The following TBC1D5 variants were observed in gnomAD, a reference collection of about 807,000 sequenced individuals.
TBC1D5 encodes TBC1 domain family, member 5.
In TBC1D5, 75 loss-of-function variants were observed where a neutral mutation model predicts 100.3. The ratio of observed to expected loss-of-function variants is 0.75; its 90% CI spans 0.62 to 0.91. TBC1D5 has a LOEUF of 0.91. TBC1D5 is among the 40% of genes least tolerant of loss of function. TBC1D5 has a pLI of 0.00. For missense variants in TBC1D5, 910 were observed against 942.4 expected, an observed-to-expected ratio of 0.97 and a Z score of 0.45; for synonymous variants, 323 against 325.6, an observed-to-expected ratio of 0.99 and a Z score of 0.09.
intron 2 of TBC1D5, among the ~76,000 whole-genome samples, chr3:17,510,451 C>T (rs1184826751): frequency 6.6e-6 from 1 of 151,976 alleles, no homozygotes; most frequent in Non-Finnish European, 1.5e-5. Context: ...AGCTAACATG[C>T]AGTAAGAATA....
Position 17,510,709 on chromosome 3 carries a change from G to A in TBC1D5, c.-35-2104C>T, listed in dbSNP as rs562583034. ...TATGGAGCAGTCACCAAATTCAAATGTCTAATGAGATCAGGCAAAAAGTAT... is the reference window on the plus strand; with the variant it reads ...TATGGAGCAGTCACCAAATTCAAATATCTAATGAGATCAGGCAAAAAGTAT... On this transcript the variant is annotated intron_variant, in intron 2 of 21. Transcript: ENST00000253692. 2.6e-5 allele frequency among the ~76,000 whole-genome samples: 4 copies of A among 152,104 alleles called. No individual in the cohort carries two copies. In the East Asian group the frequency reaches 5.8e-4, roughly 22 times the overall value.
At chr3:17,255,084 A>C (rs1476981336) in intron 16 of TBC1D5, among the ~76,000 whole-genome samples, 1 of 152,206 alleles carries the variant, frequency 6.6e-6, no homozygotes, top group Non-Finnish European at 1.5e-5. Flanking sequence ...CTGAGTTGAA[A>C]TCCTCAAAGG....
At chr3:17,395,451 T>C (rs987332278) in intron 8 of TBC1D5, among the ~76,000 whole-genome samples, 1 of 152,132 alleles carries the variant, frequency 6.6e-6, no homozygotes, top group African/African-American at 2.4e-5. Context: ...GCATTACCCC[T>C]GAAGTACCAA....
At chr3:17,525,595 A>C (rs187017495) in intron 2 of TBC1D5, among the ~76,000 whole-genome samples, 1 of 152,212 alleles carries the variant, frequency 6.6e-6, no homozygotes, top group East Asian at 1.9e-4. Context: ...TTCAGAAAAA[A>C]TCCATATTGG....
chr3:17,734,876 C>T (rs1199895140), intron 1 of TBC1D5, among the ~76,000 whole-genome samples: 3 of 151,530 alleles, frequency 2.0e-5, no homozygotes, highest in East Asian at 3.9e-4. Flanking sequence ...GCTTGAGCCC[C>T]GACGTTTGAG....
At chr3:17,254,984 A>G (rs1318083164) in intron 16 of TBC1D5, among the ~76,000 whole-genome samples, 2 of 152,220 alleles carry the variant, frequency 1.3e-5, no homozygotes, top group South Asian at 4.1e-4. Flanking sequence ...TTTAAGCTAC[A>G]TGTGGGACAT....
At chr3:17,617,006 T>C (rs2062224411) in intron 2 of TBC1D5, among the ~76,000 whole-genome samples, 1 of 152,248 alleles carries the variant, frequency 6.6e-6, no homozygotes, top group Non-Finnish European at 1.5e-5. Flanking sequence ...CAATTTGGCA[T>C]GTTTTTGCAG....
chr3:17,722,165 T>C (rs4331697), intron 1 of TBC1D5, among the ~76,000 whole-genome samples: 1,743 of 152,104 alleles, frequency 0.011, 27 homozygotes, highest in African/African-American at 0.039. Flanking sequence ...AACTCTTCTA[T>C]ATTAAAAGTA....
intron 9 of TBC1D5, among the ~76,000 whole-genome samples, chr3:17,378,645 GAT>G (rs1219704843): frequency 6.6e-6 from 1 of 151,500 alleles, no homozygotes; most frequent in Admixed American, 6.6e-5. Context: ...TGATTTCTAT[GAT>G]ATATCATACT....
At chr3:17,163,097 G>A (rs537314839) in intron 21 of TBC1D5, among the ~76,000 whole-genome samples, 3 of 152,186 alleles carry the variant, frequency 2.0e-5, no homozygotes, top group Non-Finnish European at 4.4e-5. Flanking sequence ...TTCTGAAGTG[G>A]AGAAATACTT....
At chr3:17,178,378 T>G (rs1391481531) in intron 19 of TBC1D5, among the ~76,000 whole-genome samples, 3 of 152,162 alleles carry the variant, frequency 2.0e-5, no homozygotes, top group Non-Finnish European at 2.9e-5. Flanking sequence ...TGCTCCATTC[T>G]TTATATATAC....
chr3:17,713,408 A>C (rs570636361), intron 1 of TBC1D5, among the ~76,000 whole-genome samples: 12 of 151,774 alleles, frequency 7.9e-5, no homozygotes, highest in Non-Finnish European at 1.5e-4. Context: ...CGCCCGGCTA[A>C]TTTTTTTGTA....
chr3:17,442,379 C>T (rs1381948814), intron 3 of TBC1D5, among the ~76,000 whole-genome samples: 2 of 152,164 alleles, frequency 1.3e-5, no homozygotes, highest in Non-Finnish European at 2.9e-5. Context: ...GAAAAGGTTC[C>T]CTGTTGTGCA....
intron 1 of TBC1D5, among the ~76,000 whole-genome samples, chr3:17,646,674 G>T (rs1274442754): frequency 6.6e-6 from 1 of 152,086 alleles, no homozygotes; most frequent in East Asian, 1.9e-4. Flanking sequence ...CTTCTCTCTT[G>T]TTCATTCACC....
chr3:17,178,910 G>A lies in TBC1D5; in HGVS notation c.1852+6199C>T, dbSNP rs1238365118. Reference sequence around the variant, plus strand: ...TCCTCCTGCTTCGGCCTCCCAAAGTGCCAGGATTATAGGCATGGCCATGCT... The same window carrying A: ...TCCTCCTGCTTCGGCCTCCCAAAGTACCAGGATTATAGGCATGGCCATGCT... On this transcript the variant is annotated intron_variant, in intron 19 of 21. Coordinates refer to ENST00000253692, the Ensembl canonical transcript of TBC1D5. Among the ~76,000 whole-genome samples, 4 of 152,044 alleles carry A rather than the reference G, an allele frequency of 2.6e-5. No individual in the cohort carries two copies. In the East Asian group the frequency reaches 7.7e-4, roughly 29 times the overall value.
intron 2 of TBC1D5, among the ~76,000 whole-genome samples, chr3:17,538,327 T>G (rs879552288): frequency 2.6e-5 from 4 of 152,226 alleles, no homozygotes; most frequent in Non-Finnish European, 5.9e-5. Context: ...ACAGGCCCAC[T>G]AAGAGGCAAA....
intron 3 of TBC1D5, among the ~76,000 whole-genome samples, chr3:17,487,980 AATT>A (rs1327728334): frequency 4.6e-5 from 7 of 152,324 alleles, no homozygotes; most frequent in Admixed American, 2.6e-4. Context: ...AATGGTAACA[AATT>A]ATTATTAAAC....
chr3:17,462,478 A>G (rs1484479560), intron 3 of TBC1D5, among the ~76,000 whole-genome samples: 1 of 151,678 alleles, frequency 6.6e-6, no homozygotes, highest in African/African-American at 2.4e-5. Flanking sequence ...AGGTCACCAC[A>G]CTCAGCTAAT....
At chr3:17,194,213 G>A (rs1166995880) in intron 18 of TBC1D5, among the ~76,000 whole-genome samples, 7 of 152,102 alleles carry the variant, frequency 4.6e-5, no homozygotes, top group East Asian at 1.9e-4. Context: ...ATCTCTTCCC[G>A]TCATTCTAGG....
Sources: allele counts gnomAD v4.1 joint callset (sites outside exome capture counted in the v4.1 genomes callset), GRCh38; gene constraint gnomAD v4.1.1; transcripts MANE v1.5; gene names NCBI Gene and HGNC (gene_info 2026-07-23, HGNC 2026-07-21).